MACROD2: variants seen among roughly 807,000 people sequenced by gnomAD.
MACROD2 encodes ADP-ribose glycohydrolase MACROD2.
In MACROD2, 36 loss-of-function variants were observed where a neutral mutation model predicts 70.4. The ratio of observed to expected loss-of-function variants is 0.51; its 90% CI spans 0.39 to 0.68. The LOEUF (loss-of-function observed/expected upper bound fraction) is 0.68, where lower values mean the gene tolerates loss of function less well. Ranked by LOEUF, MACROD2 falls within the 30% of genes least tolerant of loss-of-function variation. The pLI is 0.00. For synonymous variants in MACROD2, 172 were observed against 178.8 expected (o/e 0.96, Z 0.30); for missense variants, 496 against 538.4 (o/e 0.92, Z 0.78).
chr20:15,742,539 A>G (rs939580485), intron 8 of MACROD2, among the ~76,000 whole-genome samples: 1 of 152,190 alleles, frequency 6.6e-6, no homozygotes, highest in South Asian at 2.1e-4. Context: ...GTGCGAAGAA[A>G]TTCATTATCC....
chr20:14,984,985 G>A (rs925668125), intron 5 of MACROD2, among the ~76,000 whole-genome samples: 1 of 152,204 alleles, frequency 6.6e-6, no homozygotes, highest in Non-Finnish European at 1.5e-5. Context: ...GAGTTAGCAA[G>A]TCACCTTTAA....
intron 3 of MACROD2, among the ~76,000 whole-genome samples, chr20:14,209,350 A>G (rs574111360): frequency 6.6e-6 from 1 of 152,266 alleles, no homozygotes; most frequent in African/African-American, 2.4e-5. Context: ...TAGGGAGAAG[A>G]GTTTCAAGGC....
In MACROD2 at chr20:15,771,545, T is replaced by TA. The variant is rs200372429; in HGVS notation, c.646-91189dup. Among the ~76,000 whole-genome samples the TA allele has an allele frequency of 7.5e-3, 1,097 of 145,486 alleles. 17 individuals carry two copies. The highest frequency in any genetic ancestry group is 0.026 in the African/African-American group (1,043 of 39,896). Reference sequence around the variant, plus strand: ...CAGTCTTTTGTCTAAATTTTCTATTTAAAAAAAAAAAGTTAGAAAGCAGCT... The same window carrying TA: ...CAGTCTTTTGTCTAAATTTTCTATTTAAAAAAAAAAAAGTTAGAAAGCAGCT... On this transcript the variant is annotated intron_variant, in intron 8 of 17. Transcript: ENST00000684519.
chr20:15,657,886 G>A (rs896066531), intron 8 of MACROD2, among the ~76,000 whole-genome samples: 1 of 152,184 alleles, frequency 6.6e-6, no homozygotes, highest in Admixed American at 6.5e-5. Flanking sequence ...CCCGCTACTT[G>A]TGAGGCTGAG....
chr20:14,960,429 CTT>C (rs2074573409), intron 5 of MACROD2, among the ~76,000 whole-genome samples: 1 of 152,144 alleles, frequency 6.6e-6, no homozygotes, highest in Non-Finnish European at 1.5e-5. Flanking sequence ...AATGTAATGA[CTT>C]AGTATTTTCC....
chr20:15,506,352 C>T lies in MACROD2; in HGVS notation c.645+6505C>T, dbSNP rs568430084. 3.3e-5 allele frequency among the ~76,000 whole-genome samples: 5 copies of T among 152,346 alleles called. No homozygotes were observed. In the East Asian group the frequency reaches 9.7e-4, roughly 29 times the overall value. Reference sequence around the variant, plus strand: ...CCCAGAAAACAGAATTAGGAATCCACTGTAGAAATGCACGTCCAGCCTCCT... The same window carrying T: ...CCCAGAAAACAGAATTAGGAATCCATTGTAGAAATGCACGTCCAGCCTCCT... On this transcript the variant is annotated intron_variant, in intron 8 of 17. Coordinates refer to ENST00000684519, the MANE Select transcript of MACROD2 (RefSeq NM_001351661.2).
At chr20:15,335,646 T>C (rs2078040222) in intron 6 of MACROD2, among the ~76,000 whole-genome samples, 1 of 151,766 alleles carries the variant, frequency 6.6e-6, no homozygotes, top group African/African-American at 2.4e-5. Context: ...GCTCTAAAGA[T>C]ATTTCTGGCT....
At chr20:15,797,837 G>C (rs2063689169) in intron 8 of MACROD2, among the ~76,000 whole-genome samples, 1 of 152,148 alleles carries the variant, frequency 6.6e-6, no homozygotes, top group African/African-American at 2.4e-5. Context: ...AATTCAGTAG[G>C]TCTGGACTAG....
At chr20:14,108,149 T>G (rs1017481260) in intron 3 of MACROD2, among the ~76,000 whole-genome samples, 1 of 151,204 alleles carries the variant, frequency 6.6e-6, no homozygotes, top group Non-Finnish European at 1.5e-5. Flanking sequence ...TAGTTATTAG[T>G]TTTTTTTTCT....
intron 5 of MACROD2, among the ~76,000 whole-genome samples, chr20:14,797,679 A>G (rs532361720): frequency 6.6e-6 from 1 of 152,198 alleles, no homozygotes; most frequent in South Asian, 2.1e-4. Context: ...CTTTCACAGC[A>G]CATATAGCTG....
At chr20:15,109,938 C>T (rs906813621) in intron 5 of MACROD2, among the ~76,000 whole-genome samples, 2 of 151,790 alleles carry the variant, frequency 1.3e-5, no homozygotes, top group African/African-American at 4.8e-5. Flanking sequence ...AGCAAAAAGG[C>T]AAGTGCCGTT....
chr20:15,500,791 C>T (rs959166390), intron 8 of MACROD2, among the ~76,000 whole-genome samples: 4 of 152,110 alleles, frequency 2.6e-5, no homozygotes, highest in African/African-American at 7.2e-5. Context: ...ATTGTAATTT[C>T]GGCATTTGTT....
At chr20:15,019,845 C>T (rs576767777) in intron 5 of MACROD2, among the ~76,000 whole-genome samples, 26 of 151,864 alleles carry the variant, frequency 1.7e-4, no homozygotes, top group Non-Finnish European at 3.5e-4. Context: ...TGTGTAGGTA[C>T]TGATATAGAA....
At chr20:14,964,525 A>T (rs1283358230) in intron 5 of MACROD2, among the ~76,000 whole-genome samples, 8 of 152,060 alleles carry the variant, frequency 5.3e-5, no homozygotes, top group Non-Finnish European at 1.2e-4. Context: ...GTGAGCCGAG[A>T]TCGCGCCACT....
intron 13 of MACROD2, among the ~76,000 whole-genome samples, chr20:15,975,087 C>T (rs73597742): frequency 0.049 from 7,423 of 151,832 alleles, 565 homozygotes; most frequent in African/African-American, 0.16. Context: ...AAGAGCAAAA[C>T]GGACAAAAGA....
chr20:14,515,465 G>GCGCGCACACACACACACACA (rs1369248292), intron 4 of MACROD2, among the ~76,000 whole-genome samples: 5 of 127,066 alleles, frequency 3.9e-5, no homozygotes, highest in African/African-American at 9.4e-5. Context: ...ACACACACAC[G>GCGCGCACACACACACACACA]CACACACACA....
chr20:14,353,945 TAGGA>T (rs1236310678), intron 3 of MACROD2, among the ~76,000 whole-genome samples: 1 of 152,070 alleles, frequency 6.6e-6, no homozygotes, highest in Non-Finnish European at 1.5e-5. Flanking sequence ...AATATACCTT[TAGGA>T]AGGAAGAAGG....
chr20:15,475,308 TACA>T (rs1387662141), intron 7 of MACROD2, among the ~76,000 whole-genome samples: 4 of 152,178 alleles, frequency 2.6e-5, no homozygotes, highest in Non-Finnish European at 5.9e-5. Flanking sequence ...ATCCCACCAC[TACA>T]AGGTACCTCT....
intron 4 of MACROD2, among the ~76,000 whole-genome samples, chr20:14,647,597 T>A (rs189564136): frequency 3.2e-4 from 49 of 152,204 alleles, no homozygotes; most frequent in African/African-American, 1.2e-3. Flanking sequence ...AAGTTCTCAT[T>A]GGATCCCTTG....
Sources: gnomAD v4.1 joint callset for allele counts (sites outside exome capture counted in the v4.1 genomes callset) on GRCh38, gnomAD v4.1.1 for gene constraint, MANE v1.5 for transcripts, NCBI Gene and HGNC (gene_info 2026-07-23, HGNC 2026-07-21) for gene names.